Variants in MPP4 observed in about 807,000 individuals in gnomAD.
The protein encoded by MPP4 is MAGUK p55 scaffold protein 4, also known as MAGUK p55 subfamily member 4.
Under a neutral mutation model 98.3 loss-of-function variants are expected in MPP4, and 91 were observed. That is an observed-to-expected ratio of 0.93 (90% CI 0.78 to 1.10). The LOEUF (loss-of-function observed/expected upper bound fraction) is 1.10. MPP4 is among the 50% of genes least tolerant of loss of function. MPP4 has a pLI of 0.00. For missense variants in MPP4, 744 were observed against 792.9 expected, an observed-to-expected ratio of 0.94 and a Z score of 0.74; for synonymous variants, 261 against 271.8, an observed-to-expected ratio of 0.96 and a Z score of 0.39.
chr2:201,684,989 C>A, intron 7 of MPP4, 75 bp downstream of exon 7: 77 of 1,089,624 alleles, frequency 7.1e-5, no homozygotes, highest in Middle Eastern at 2.1e-4. Context: ...AAAGGGATTT[C>A]TCTAGAAAGA....
intron 12 of MPP4, 186 bp from the exon 13 acceptor site, chr2:201,666,558 C>G: frequency 2.2e-6 from 1 of 458,962 alleles, no homozygotes; most frequent in Non-Finnish European, 3.9e-6. Flanking sequence ...ATGTCTCTAC[C>G]AAAAAAAACA....
At chr2:201,684,262 A>T (rs1688753781) in intron 7 of MPP4, among the ~76,000 whole-genome samples, 1 of 151,978 alleles carries the variant, frequency 6.6e-6, no homozygotes, top group South Asian at 2.1e-4. Context: ...CAGTGAAAGG[A>T]TGAAAATCTG....
chr2:201,691,752 C>T (rs1461152466), intron 3 of MPP4, among the ~76,000 whole-genome samples: 2 of 152,176 alleles, frequency 1.3e-5, no homozygotes, highest in Non-Finnish European at 2.9e-5. Flanking sequence ...CTCCTGACCT[C>T]AGGTGATCCA....
intron 15 of MPP4, among the ~76,000 whole-genome samples, chr2:201,659,630 C>T (rs1020648751): frequency 3.3e-5 from 5 of 152,078 alleles, no homozygotes; most frequent in Admixed American, 2.0e-4. Context: ...GTCAGGAGTT[C>T]GAGACCAGCC....
chr2:201,647,569 G>T, intron 21 of MPP4, 122 bp downstream of exon 21: 1 of 1,028,074 alleles, frequency 9.7e-7, no homozygotes, highest in South Asian at 2.2e-5. Flanking sequence ...GGGCCTTTTG[G>T]AGAGGGGGTC....
chr2:201,654,620 T>C (rs1184395488), intron 18 of MPP4, among the ~76,000 whole-genome samples: 1 of 152,026 alleles, frequency 6.6e-6, no homozygotes, highest in Non-Finnish European at 1.5e-5. Context: ...TAAAATATAA[T>C]AATAATTAAA....
chr2:201,656,380 A>G lies in MPP4; in HGVS notation c.1130-12T>C. 6.5e-7 allele frequency: 1 copy of G among 1,545,758 alleles called. No individual in the cohort carries two copies. Among genetic ancestry groups the G allele is most frequent in the Non-Finnish European group, 8.7e-7 (1 of 1,143,546 alleles). ...GCGGCGGAAGCCAGCTAGGGAGGGGAAGTGCACAGAACGTAAGAACCAGGC... is the reference window on the plus strand; with the variant it reads ...GCGGCGGAAGCCAGCTAGGGAGGGGGAGTGCACAGAACGTAAGAACCAGGC... On this transcript the variant is annotated splice_polypyrimidine_tract_variant and intron_variant, in intron 16 of 21. Coordinates refer to ENST00000409474, the MANE Select transcript of MPP4 (RefSeq NM_033066.3).
At chr2:201,659,939 T>C (rs1687979388) in intron 15 of MPP4, among the ~76,000 whole-genome samples, 1 of 152,168 alleles carries the variant, frequency 6.6e-6, no homozygotes, top group Non-Finnish European at 1.5e-5. Flanking sequence ...TTAAAATACA[T>C]AGAAAGAAAA....
rs1559019020 is a variant in MPP4, at chr2:201,690,235, A to C, written c.246T>G (p.Pro82=). 3 of 1,610,098 alleles carry C rather than the reference A, an allele frequency of 1.9e-6. No homozygotes were observed. Among genetic ancestry groups the C allele is most frequent in the Non-Finnish European group, 2.5e-6 (3 of 1,178,252 alleles). Residue 82 remains proline (P), a synonymous_variant, in exon 4 of 22, where the codon CCT becomes CCG. Transcript: ENST00000409474. ...LQEFKEKKLV[P]ATPHAQVLSY... ...ATAACACCTGTGCATGTGGTGTGGC[A>C]GGAACTAGTTTCTTTTCTTTAAATT...
At chr2:201,658,623 A>T in intron 15 of MPP4, 105 bp from the exon 16 acceptor site, 2 of 983,136 alleles carry the variant, frequency 2.0e-6, no homozygotes, top group Non-Finnish European at 3.0e-6. Flanking sequence ...ACCTTAGTAG[A>T]CGGCAGCAGA....
At chr2:201,663,374 T>G (rs1688078442) in intron 14 of MPP4, among the ~76,000 whole-genome samples, 1 of 152,188 alleles carries the variant, frequency 6.6e-6, no homozygotes, top group South Asian at 2.1e-4. Context: ...ACTAGCCCTG[T>G]GAGAAGTACT....
intron 11 of MPP4, among the ~76,000 whole-genome samples, chr2:201,674,009 T>A (rs1221955231): frequency 6.6e-6 from 1 of 152,206 alleles, no homozygotes; most frequent in Non-Finnish European, 1.5e-5. Context: ...AATCAAGCAT[T>A]TGCCACCATG....
Position 201,645,293 on chromosome 2 carries a change from A to G in MPP4, c.1831T>C (p.Leu611=). The stretch of plus-strand genomic sequence containing the variant: ...TGAGCCTTCTGTATGGCAGACAACA[A>G]CTGGGCACATGCATCGTGCAAGCTG... ...NDSLHDACAQ[L]LSAIQKAQEE... The change falls in exon 22 of 22, where the codon TTG becomes CTG. Residue 611 remains leucine, a synonymous_variant. Transcript: ENST00000409474. 6.2e-7 allele frequency: 1 copy of G among 1,614,076 alleles called. No individual in the cohort carries two copies. Among genetic ancestry groups the G allele is most frequent in the Non-Finnish European group, 8.5e-7 (1 of 1,179,900 alleles).
At chr2:201,648,168 G>A (rs1232140845) in intron 20 of MPP4, among the ~76,000 whole-genome samples, 1 of 152,154 alleles carries the variant, frequency 6.6e-6, no homozygotes, top group East Asian at 1.9e-4. Flanking sequence ...GATTATAGGC[G>A]TGTGCCACCA....
chr2:201,652,578 C>T (rs1018191695), intron 18 of MPP4, among the ~76,000 whole-genome samples: 9 of 152,246 alleles, frequency 5.9e-5, no homozygotes, highest in Middle Eastern at 3.2e-3. Flanking sequence ...CCAGTCTCAA[C>T]TGACTAATTA....
intron 1 of MPP4, chr2:201,697,858 T>C: frequency 1.1e-6 from 1 of 903,402 alleles, no homozygotes; most frequent in Non-Finnish European, 1.3e-6. Context: ...TGTAGTAAAA[T>C]CGAGTTTTCC....
chr2:201,657,977 T>C (rs2349731), intron 16 of MPP4, among the ~76,000 whole-genome samples: 1 of 147,916 alleles, frequency 6.8e-6, no homozygotes, highest in Non-Finnish European at 1.5e-5. Flanking sequence ...TTGTTTTTTT[T>C]TTTTCACGCT....
intron 11 of MPP4, among the ~76,000 whole-genome samples, chr2:201,674,635 G>C (rs897482245): frequency 1.3e-5 from 2 of 152,182 alleles, no homozygotes; most frequent in Non-Finnish European, 2.9e-5. Flanking sequence ...GGTTCGCTTT[G>C]AGAGACATTT....
intron 11 of MPP4, 41 bp from the exon 12 acceptor site, chr2:201,669,791 A>G: frequency 1.5e-6 from 2 of 1,351,802 alleles, no homozygotes; most frequent in Non-Finnish European, 1.9e-6. Flanking sequence ...GGATAAAAAG[A>G]ACACAGTATC....
Sources: allele counts gnomAD v4.1 joint callset (sites outside exome capture counted in the v4.1 genomes callset), GRCh38; gene constraint gnomAD v4.1.1; transcripts MANE v1.5; gene names NCBI Gene and HGNC (gene_info 2026-07-23, HGNC 2026-07-21).